PDE4A: variants seen among roughly 807,000 people sequenced by gnomAD.
PDE4A encodes the protein phosphodiesterase 4A, also known as 3',5'-cyclic-AMP phosphodiesterase 4A.
Under a neutral mutation model 73.9 loss-of-function variants are expected in PDE4A, and 21 were observed. The ratio of observed to expected loss-of-function variants is 0.28; its 90% CI spans 0.20 to 0.41. PDE4A has a LOEUF of 0.41. Among genes scored for constraint, PDE4A ranks in the 10% least tolerant of loss-of-function variants. The pLI, the probability that PDE4A is intolerant of heterozygous loss-of-function variation, is 1.00. For missense variants in PDE4A, 958 were observed against 1,211.4 expected (o/e 0.79, Z 3.10); for synonymous variants, 463 against 505.4 (o/e 0.92, Z 1.13).
chr19:10,423,748 A>C (rs1291864783), intron 1 of PDE4A, among the ~76,000 whole-genome samples: 1 of 152,164 alleles, frequency 6.6e-6, no homozygotes, highest in South Asian at 2.1e-4. Context: ...CCATTTCTCC[A>C]GGGTGAGTAG....
chr19:10,419,779 C>T (rs1599392812), upstream of PDE4A, among the ~76,000 whole-genome samples: 3 of 152,314 alleles, frequency 2.0e-5, no homozygotes, highest in East Asian at 5.8e-4. Flanking sequence ...CGACCACAAA[C>T]GCATCCAAGC....
intron 6 of PDE4A, among the ~76,000 whole-genome samples, 177 bp downstream of exon 6, chr19:10,451,118 G>A (rs1028137507): frequency 1.3e-5 from 2 of 152,168 alleles, no homozygotes; most frequent in African/African-American, 2.4e-5. Flanking sequence ...GCCAATCCCT[G>A]GGCGGGGGCT....
At chr19:10,462,784 C>G (rs371305573) in intron 13 of PDE4A, among the ~76,000 whole-genome samples, 5 of 152,160 alleles carry the variant, frequency 3.3e-5, no homozygotes, top group Non-Finnish European at 5.9e-5. Flanking sequence ...CCCTCACCCC[C>G]CTTCCGACTC....
chr19:10,457,747 C>T (rs1378129175), intron 7 of PDE4A, 132 bp from the exon 8 acceptor site: 15 of 1,457,808 alleles, frequency 1.0e-5, no homozygotes, highest in African/African-American at 1.4e-5. Flanking sequence ...GAGTAGCCAG[C>T]GGCATCACAG....
At chr19:10,427,016 T>A (rs1760924866) in intron 1 of PDE4A, among the ~76,000 whole-genome samples, 1 of 147,684 alleles carries the variant, frequency 6.8e-6, no homozygotes, top group South Asian at 2.2e-4. Context: ...ATGAGGGAGG[T>A]AAGGGCCGGG....
intron 7 of PDE4A, among the ~76,000 whole-genome samples, chr19:10,455,509 TTGTAA>T (rs1311860565): frequency 1.3e-5 from 2 of 150,754 alleles, no homozygotes; most frequent in African/African-American, 2.4e-5. Context: ...TGGTGTGTGC[TTGTAA>T]TCTCAGCTAC....
chr19:10,467,974 C>T lies in PDE4A; in HGVS notation c.*353C>T, dbSNP rs201753259. ...TGTTCCTGGTTCCCGCTTTCCACTT[C>T]CAAATCCCTCCCCTCACCTTCCCCC... On this transcript the variant is annotated 3_prime_UTR_variant, in exon 15 of 15. Transcript: ENST00000380702. 1.4e-4 allele frequency: 24 copies of T among 166,076 alleles called. No homozygotes were observed. Among genetic ancestry groups the T allele is most frequent in the Non-Finnish European group, 2.6e-4 (20 of 77,480 alleles). The allele number at this position is 166,076 out of a possible 1,614,324, so 10.3% of individuals were successfully genotyped here. A position where few individuals can be genotyped will look rare whatever the true frequency, so the allele number is the denominator to read the frequency against.
rs1446195100 is a variant in PDE4A, at chr19:10,453,247, C to A, written c.784-1582C>A. On this transcript the variant is annotated intron_variant, in intron 6 of 14. Transcript: ENST00000380702. This position sits in a 1 kb window ranked among gnomAD's most constrained non-coding sequence, Gnocchi z 4.6. ...AGCCTCTGTGTGCAGCAGCCCCAGG[C>A]GGGCTAAGTCTCCAAGATGCCCTTG... is the stretch of plus-strand genomic sequence containing the variant. The A allele has an allele frequency of 6.2e-7, 1 of 1,608,126 alleles. No individual in the cohort carries two copies. The highest frequency in any genetic ancestry group is 8.5e-7 in the Non-Finnish European group (1 of 1,177,236).
At chr19:10,445,406 C>T (rs145193070) in intron 1 of PDE4A, among the ~76,000 whole-genome samples, 10 of 152,288 alleles carry the variant, frequency 6.6e-5, no homozygotes, top group Non-Finnish European at 1.0e-4. Context: ...GGATGCACAC[C>T]GGTGCTCAAG....
At chr19:10,431,643 G>A (rs992461909) in intron 1 of PDE4A, among the ~76,000 whole-genome samples, 40 of 152,228 alleles carry the variant, frequency 2.6e-4, no homozygotes, top group Admixed American at 2.6e-3. Context: ...GTTGGGCACT[G>A]GCTGGCCCTG....
chr19:10,427,556 T>G, intron 1 of PDE4A: 4 of 985,406 alleles, frequency 4.1e-6, no homozygotes, highest in Non-Finnish European at 4.8e-6. Flanking sequence ...TCTGGCTTCC[T>G]AGGACGGGAC....
chr19:10,464,874 A>T (rs1195346516), intron 14 of PDE4A, among the ~76,000 whole-genome samples: 1 of 149,950 alleles, frequency 6.7e-6, no homozygotes, highest in Non-Finnish European at 1.5e-5. Context: ...GCACCACCAC[A>T]CTCGGCTAAT....
At position 10,448,772 on chromosome 19, in the gene PDE4A, C is replaced by G. The variant is rs1599433239; in HGVS notation, c.513-145C>G. 9 of 1,472,938 alleles carry G rather than the reference C, an allele frequency of 6.1e-6. No homozygotes were observed. The East Asian group carries it at 2.0e-4, about 32-fold the overall frequency. 91.2% of individuals were successfully genotyped at this position (1,472,938 alleles called of 1,614,324 possible). On this transcript the variant is annotated intron_variant, in intron 2 of 14. Transcript: ENST00000380702. Reference sequence around the variant, plus strand: ...GATCAGCCCTGGACACATATCCACCCTTATGCAGTACAAGTGTTCTTTCCC... The same window carrying G: ...GATCAGCCCTGGACACATATCCACCGTTATGCAGTACAAGTGTTCTTTCCC...
chr19:10,462,432 A>G (rs1389266402), intron 13 of PDE4A, among the ~76,000 whole-genome samples: 1 of 120,052 alleles, frequency 8.3e-6, no homozygotes, highest in African/African-American at 3.3e-5. Context: ...AAGTGCTGGG[A>G]TTACAGGCGT....
intron 6 of PDE4A, among the ~76,000 whole-genome samples, chr19:10,452,438 C>CA (rs562410531): frequency 0.035 from 4,447 of 128,078 alleles, 219 homozygotes; most frequent in African/African-American, 0.12. Flanking sequence ...AACTCCGTCT[C>CA]AAAAAAAAAA....
rs905519038 is a variant in PDE4A, at chr19:10,453,620, C to T, written c.784-1209C>T. Among the ~76,000 whole-genome samples the T allele has an allele frequency of 7.9e-5, 12 of 152,004 alleles. No homozygotes were observed. Among genetic ancestry groups the T allele is most frequent in the Non-Finnish European group, 1.6e-4 (11 of 67,980 alleles). The stretch of plus-strand genomic sequence containing the variant: ...AGTATAGGCTTGTTTGCCTGGGTCA[C>T]TGTGTGGCCCTGTCTGAGATCATCT... On this transcript the variant is annotated intron_variant, in intron 6 of 14. Coordinates refer to ENST00000380702, the MANE Select transcript of PDE4A (RefSeq NM_001111307.2). The surrounding 1 kb of genome is among the most constrained non-coding windows in gnomAD (Gnocchi z 4.6).
At position 10,420,773 on chromosome 19, in the gene PDE4A, C is replaced by T. The variant is rs1341272349; in HGVS notation, c.9C>T (p.Pro3=). Reference sequence around the variant, plus strand: ...AAGTGGGGGCCGGCGCCATGGAACCCCCGACCGTCCCCTCGGAAAGGAGCC... The same window carrying T: ...AAGTGGGGGCCGGCGCCATGGAACCTCCGACCGTCCCCTCGGAAAGGAGCC... The part of the protein sequence containing the change: ME[P]PTVPSERSLS... Residue 3 remains proline (P), a synonymous_variant, in exon 1 of 15, where the codon CCC becomes CCT. Coordinates refer to ENST00000380702, the MANE Select transcript of PDE4A (RefSeq NM_001111307.2). The surrounding 1 kb of genome is among the most constrained non-coding windows in gnomAD (Gnocchi z 6.0). 6.4e-7 allele frequency: 1 copy of T among 1,570,322 alleles called. No individual in the cohort carries two copies. Among genetic ancestry groups the T allele is most frequent in the Non-Finnish European group, 8.6e-7 (1 of 1,168,364 alleles).
intron 14 of PDE4A, among the ~76,000 whole-genome samples, chr19:10,466,462 A>AAAGT (rs1156315458): frequency 6.9e-6 from 1 of 144,408 alleles, no homozygotes; most frequent in African/African-American, 2.5e-5. Context: ...AAAAAAAAAA[A>AAAGT]GTGTGTGTGT....
intron 7 of PDE4A, 117 bp downstream of exon 7, chr19:10,455,039 C>A: frequency 1.1e-6 from 1 of 937,992 alleles, no homozygotes. Context: ...TCTCAACTCC[C>A]CAAAGGTCAC....
Sources: allele counts gnomAD v4.1 joint callset (sites outside exome capture counted in the v4.1 genomes callset), GRCh38; gene constraint gnomAD v4.1.1; non-coding constraint Gnocchi (gnomAD v3.1); transcripts MANE v1.5; gene names NCBI Gene and HGNC (gene_info 2026-07-23, HGNC 2026-07-21).